SLIT2: variants seen among roughly 807,000 people sequenced by gnomAD.
SLIT2 encodes the protein slit homolog 2 protein.
In SLIT2, 41 loss-of-function variants were observed where a neutral mutation model predicts 185.7. The ratio of observed to expected loss-of-function variants is 0.22; its 90% CI spans 0.17 to 0.29. The LOEUF is 0.29. Among genes scored for constraint, SLIT2 ranks in the 10% least tolerant of loss-of-function variants. The pLI is 1.00. For missense variants in SLIT2, 1,571 were observed against 1,909.0 expected, an observed-to-expected ratio of 0.82 and a Z score of 3.30; for synonymous variants, 693 against 680.2, an observed-to-expected ratio of 1.02 and a Z score of -0.29.
intron 4 of SLIT2, among the ~76,000 whole-genome samples, chr4:20,374,680 T>A (rs569953499): frequency 6.6e-5 from 10 of 152,120 alleles, no homozygotes; most frequent in African/African-American, 2.2e-4. Flanking sequence ...TTCCTTCCTT[T>A]CCCTTCCCTT....
chr4:20,583,904 A>T (rs1421485017), intron 29 of SLIT2, among the ~76,000 whole-genome samples: 3 of 152,100 alleles, frequency 2.0e-5, no homozygotes, highest in Admixed American at 1.3e-4. Context: ...AACTCCAGGT[A>T]TTATTTCTCA....
chr4:20,431,901 G>T (rs1181864593), intron 4 of SLIT2, among the ~76,000 whole-genome samples: 1 of 152,090 alleles, frequency 6.6e-6, no homozygotes, highest in Non-Finnish European at 1.5e-5. Flanking sequence ...CTTGATTATT[G>T]TAAGACATTC....
intron 4 of SLIT2, among the ~76,000 whole-genome samples, chr4:20,446,110 G>A (rs1182302592): frequency 2.6e-5 from 4 of 152,036 alleles, no homozygotes; most frequent in South Asian, 2.1e-4. Flanking sequence ...CCTTAACTAC[G>A]GGTTAATTCC....
intron 9 of SLIT2, among the ~76,000 whole-genome samples, chr4:20,503,137 T>C (rs1254861976): frequency 6.6e-6 from 1 of 152,202 alleles, no homozygotes; most frequent in Admixed American, 6.5e-5. Flanking sequence ...TTTTAGCAAT[T>C]ATGTTATAGA....
chr4:20,480,746 T>C lies in SLIT2; in HGVS notation c.498T>C (p.Ile166=). The part of the protein sequence containing the change: ...LQLDYNQISC[I]EDGAFRALRD... ...TGGATTACAACCAGATCAGCTGTAT[T>C]GAAGATGGGGCATTCAGGGCTCTCC... is the stretch of plus-strand genomic sequence containing the variant. The change falls in exon 6 of 37, where the codon ATT becomes ATC. Residue 166 remains isoleucine, a synonymous_variant. Coordinates refer to ENST00000504154, the MANE Select transcript of SLIT2 (RefSeq NM_004787.4). The C allele has an allele frequency of 3.7e-6, 6 of 1,613,608 alleles. No homozygotes were observed. Among genetic ancestry groups the C allele is most frequent in the Non-Finnish European group, 5.1e-6 (6 of 1,179,564 alleles).
chr4:20,334,977 C>T (rs1720374513), intron 4 of SLIT2, among the ~76,000 whole-genome samples: 1 of 152,102 alleles, frequency 6.6e-6, no homozygotes, highest in African/African-American at 2.4e-5. Context: ...ACTCAGAATC[C>T]TCTCATGCAG....
intron 4 of SLIT2, among the ~76,000 whole-genome samples, chr4:20,441,377 A>C (rs1469768031): frequency 2.0e-5 from 3 of 152,120 alleles, no homozygotes; most frequent in Non-Finnish European, 4.4e-5. Flanking sequence ...TCAACTACAC[A>C]GTTTCACTAT....
At position 20,288,597 on chromosome 4, in the gene SLIT2, C is replaced by T. The variant is rs147770324; in HGVS notation, c.395+19716C>T. On this transcript the variant is annotated intron_variant, in intron 4 of 36. Transcript: ENST00000504154. ...TTTTAAGGTATTCCCTTTAATTTAACAATAAGACATAAAACATTGAAGTAT... is the reference window on the plus strand; with the variant it reads ...TTTTAAGGTATTCCCTTTAATTTAATAATAAGACATAAAACATTGAAGTAT... Among the ~76,000 whole-genome samples, 169 of 152,214 alleles carry T rather than the reference C, an allele frequency of 1.1e-3. 2 individuals carry two copies. In the East Asian group the frequency reaches 0.027, roughly 24 times the overall value.
At chr4:20,395,794 A>T (rs538450233) in intron 4 of SLIT2, among the ~76,000 whole-genome samples, 1 of 152,098 alleles carries the variant, frequency 6.6e-6, no homozygotes, top group African/African-American at 2.4e-5. Flanking sequence ...CCCCTAACTT[A>T]TACCTTTATT....
At chr4:20,326,863 C>G (rs1224716121) in intron 4 of SLIT2, among the ~76,000 whole-genome samples, 2 of 148,226 alleles carry the variant, frequency 1.3e-5, no homozygotes, top group African/African-American at 5.0e-5. Context: ...CCCCAAACCA[C>G]AGAGTTTAAT....
intron 5 of SLIT2, among the ~76,000 whole-genome samples, chr4:20,472,100 G>T (rs1715102553): frequency 6.7e-6 from 1 of 149,284 alleles, no homozygotes; most frequent in Non-Finnish European, 1.5e-5. Context: ...ATTTACATTT[G>T]TGTTTTTAAA....
At chr4:20,472,432 C>CTATATATCTATATA (rs1451665758) in intron 5 of SLIT2, among the ~76,000 whole-genome samples, 2 of 11,428 alleles carry the variant, frequency 1.8e-4, no homozygotes, top group Admixed American at 1.6e-3. Context: ...ATATAGATAT[C>CTATATATCTATATA]TATAGATATA....
At chr4:20,368,362 A>G (rs947309651) in intron 4 of SLIT2, among the ~76,000 whole-genome samples, 2 of 151,860 alleles carry the variant, frequency 1.3e-5, no homozygotes, top group Admixed American at 6.6e-5. Context: ...AGATTAACAG[A>G]AAACAAAACA....
intron 4 of SLIT2, among the ~76,000 whole-genome samples, chr4:20,368,327 T>C (rs1252098986): frequency 6.8e-6 from 1 of 148,052 alleles, no homozygotes; most frequent in East Asian, 2.0e-4. Context: ...CAAGAAAGTA[T>C]AATAATAATA....
At chr4:20,611,119 A>G (rs947915208) in intron 34 of SLIT2, among the ~76,000 whole-genome samples, 4 of 152,238 alleles carry the variant, frequency 2.6e-5, no homozygotes, top group African/African-American at 9.6e-5. Context: ...TATTTTACAG[A>G]TAAATAAGTA....
intron 4 of SLIT2, among the ~76,000 whole-genome samples, chr4:20,371,034 A>G (rs1277557032): frequency 1.3e-5 from 2 of 152,032 alleles, no homozygotes; most frequent in African/African-American, 4.8e-5. Flanking sequence ...GGTCATCTTC[A>G]TTAGGGGATG....
In SLIT2 at chr4:20,484,652, A is replaced by G. The variant is rs2148785653; in HGVS notation, c.540-1548A>G. On this transcript the variant is annotated intron_variant, in intron 6 of 36. Transcript: ENST00000504154. The surrounding 1 kb of genome is among the most constrained non-coding windows in gnomAD (Gnocchi z 4.3). The stretch of plus-strand genomic sequence containing the variant: ...CACCAACTGGCCCAGAGTGGCCTCA[A>G]AAATATATTTTGTGTAGCTCAAACA... Among the ~76,000 whole-genome samples the G allele has an allele frequency of 6.6e-6, 1 of 152,248 alleles. No homozygotes were observed. The highest frequency in any genetic ancestry group is 2.1e-4 in the South Asian group (1 of 4,816).
intron 9 of SLIT2, among the ~76,000 whole-genome samples, chr4:20,509,676 A>C (rs190419879): frequency 6.6e-6 from 1 of 152,336 alleles, no homozygotes; most frequent in Admixed American, 6.5e-5. Flanking sequence ...GAGGCTGAGA[A>C]GCAACATTTT....
intron 5 of SLIT2, among the ~76,000 whole-genome samples, chr4:20,471,484 AC>A (rs1715009333): frequency 6.6e-6 from 1 of 152,152 alleles, no homozygotes; most frequent in African/African-American, 2.4e-5. Context: ...ATGTCCATTT[AC>A]AAGTTGAAAA....
Sources: allele counts gnomAD v4.1 joint callset (sites outside exome capture counted in the v4.1 genomes callset), GRCh38; gene constraint gnomAD v4.1.1; non-coding constraint Gnocchi (gnomAD v3.1); transcripts MANE v1.5; gene names NCBI Gene and HGNC (gene_info 2026-07-23, HGNC 2026-07-21).